The following PLGRKT variants were observed in gnomAD, a reference collection of about 807,000 sequenced individuals.
PLGRKT encodes plasminogen receptor with a C-terminal lysine.
A neutral mutation model predicts 18.5 loss-of-function variants in PLGRKT; 22 were observed. That is an observed-to-expected ratio of 1.19 (90% confidence interval 0.85 to 1.70). The LOEUF (loss-of-function observed/expected upper bound fraction) is 1.70. PLGRKT is among the 40% of genes most tolerant of loss of function. The pLI is 0.00. For missense variants in PLGRKT, 235 were observed against 174.4 expected (o/e 1.35, Z -1.96); for synonymous variants, 72 against 52.8 (o/e 1.36, Z -1.58).
Position 5,393,236 on chromosome 9 carries a change from T to A in PLGRKT, c.82-31348A>T, listed in dbSNP as rs115126349. Among the ~76,000 whole-genome samples, 640 of 152,066 alleles carry A rather than the reference T, an allele frequency of 4.2e-3. 16 individuals carry two copies. Among genetic ancestry groups the A allele is most frequent in the African/African-American group, 0.015 (621 of 41,328 alleles). On this transcript the variant is annotated intron_variant, in intron 3 of 5. Coordinates refer to ENST00000223864, the MANE Select transcript of PLGRKT (RefSeq NM_018465.4). Reference sequence around the variant, plus strand: ...TCTCCCTCAGTGAGTGAAGTCAGGATAAACATCCTTTTTTGTTCCTCCTAC... The same window carrying A: ...TCTCCCTCAGTGAGTGAAGTCAGGAAAAACATCCTTTTTTGTTCCTCCTAC...
At chr9:5,383,738 A>G (rs1027997178) in intron 3 of PLGRKT, among the ~76,000 whole-genome samples, 7 of 152,174 alleles carry the variant, frequency 4.6e-5, no homozygotes, top group Non-Finnish European at 1.0e-4. Flanking sequence ...AGAATCTAAT[A>G]CTGCCCTTGA....
At chr9:5,374,351 C>G (rs2131081273) in intron 3 of PLGRKT, among the ~76,000 whole-genome samples, 1 of 152,276 alleles carries the variant, frequency 6.6e-6, no homozygotes, top group Non-Finnish European at 1.5e-5. Flanking sequence ...TGCCAGATTC[C>G]TCTCTCAAAA....
intron 3 of PLGRKT, chr9:5,381,796 T>C (rs746228463): frequency 1.2e-4 from 94 of 771,534 alleles, no homozygotes; most frequent in Non-Finnish European, 1.4e-4. Flanking sequence ...TCTAGAAACA[T>C]GGCCAACAAT....
At chr9:5,437,150 T>C (rs1005068924) in intron 1 of PLGRKT, among the ~76,000 whole-genome samples, 3 of 152,136 alleles carry the variant, frequency 2.0e-5, no homozygotes, top group Non-Finnish European at 4.4e-5. Flanking sequence ...TAGATTACTA[T>C]GGGAAGGTGT....
chr9:5,394,288 G>C (rs759959625), intron 3 of PLGRKT, among the ~76,000 whole-genome samples: 8 of 151,858 alleles, frequency 5.3e-5, no homozygotes, highest in African/African-American at 1.5e-4. Context: ...ATATTTACTA[G>C]TTTCTAACAT....
At chr9:5,416,836 G>C (rs1031867925) in intron 3 of PLGRKT, among the ~76,000 whole-genome samples, 2 of 152,202 alleles carry the variant, frequency 1.3e-5, no homozygotes, top group East Asian at 1.9e-4. Context: ...TACCTTTGTA[G>C]AAAAGTGCCT....
At chr9:5,362,604 T>C (rs1817292128) in intron 3 of PLGRKT, among the ~76,000 whole-genome samples, 1 of 152,222 alleles carries the variant, frequency 6.6e-6, no homozygotes, top group South Asian at 2.1e-4. Flanking sequence ...TTGTTGTTGA[T>C]GTTTTAATTC....
intron 3 of PLGRKT, among the ~76,000 whole-genome samples, chr9:5,371,776 G>C (rs906445516): frequency 6.6e-6 from 1 of 151,884 alleles, no homozygotes; most frequent in Non-Finnish European, 1.5e-5. Flanking sequence ...AAAACAATAA[G>C]GGTGTTTTCA....
intron 3 of PLGRKT, among the ~76,000 whole-genome samples, chr9:5,390,751 TAA>T (rs944710903): frequency 6.6e-6 from 1 of 151,858 alleles, no homozygotes; most frequent in Non-Finnish European, 1.5e-5. Flanking sequence ...ATAATATAGG[TAA>T]AAAGGCAAAC....
intron 3 of PLGRKT, among the ~76,000 whole-genome samples, chr9:5,390,131 G>A (rs754845388): frequency 6.6e-6 from 1 of 151,644 alleles, no homozygotes; most frequent in Non-Finnish European, 1.5e-5. Flanking sequence ...GCTTCAGGAT[G>A]GGAGGGTATT....
chr9:5,389,135 C>T (rs376840773), intron 3 of PLGRKT, among the ~76,000 whole-genome samples: 3 of 151,930 alleles, frequency 2.0e-5, no homozygotes. Flanking sequence ...GGATTGGATG[C>T]TGTCAGGAAG....
In PLGRKT at chr9:5,387,928, T is replaced by G. The variant is rs530000217; in HGVS notation, c.82-26040A>C. Among the ~76,000 whole-genome samples, 10 of 151,706 alleles carry G rather than the reference T, an allele frequency of 6.6e-5. 1 individual carries two copies. In the South Asian group the frequency reaches 8.3e-4, roughly 13 times the overall value. ...CACCAGTGAAAATGGTGAGAAGTGG[T>G]TGGATTCTAGATATATTTGGAATTG... is the stretch of plus-strand genomic sequence containing the variant. On this transcript the variant is annotated intron_variant, in intron 3 of 5. Transcript: ENST00000223864.
chr9:5,404,501 G>A (rs909829981), intron 3 of PLGRKT, among the ~76,000 whole-genome samples: 8 of 152,148 alleles, frequency 5.3e-5, no homozygotes, highest in African/African-American at 1.4e-4. Context: ...GTGATTCATC[G>A]CATAAACAGA....
At chr9:5,377,825 A>C (rs919417691) in intron 3 of PLGRKT, among the ~76,000 whole-genome samples, 3 of 152,182 alleles carry the variant, frequency 2.0e-5, no homozygotes, top group Non-Finnish European at 4.4e-5. Flanking sequence ...TCTTGGGGGA[A>C]GCTTTTATTC....
chr9:5,437,698 G>A (rs1818988090), intron 1 of PLGRKT, 91 bp downstream of exon 1: 1 of 152,336 alleles, frequency 6.6e-6, no homozygotes, highest in South Asian at 2.1e-4. Flanking sequence ...GCCCAGCGCT[G>A]CCTGGCAAGC....
chr9:5,390,938 G>C (rs1456881282), intron 3 of PLGRKT, among the ~76,000 whole-genome samples: 1 of 151,808 alleles, frequency 6.6e-6, no homozygotes. Context: ...ATTATAATAA[G>C]GGGGACATTA....
intron 3 of PLGRKT, among the ~76,000 whole-genome samples, chr9:5,368,813 A>G (rs950609954): frequency 7.2e-5 from 11 of 152,158 alleles, no homozygotes; most frequent in African/African-American, 2.4e-4. Context: ...CACATCTACA[A>G]CCATCTGATC....
At chr9:5,377,908 A>AG (rs1817662234) in intron 3 of PLGRKT, among the ~76,000 whole-genome samples, 1 of 152,208 alleles carries the variant, frequency 6.6e-6, no homozygotes, top group Non-Finnish European at 1.5e-5. Flanking sequence ...CAAGAAAGAA[A>AG]GAAAAAATAG....
intron 3 of PLGRKT, among the ~76,000 whole-genome samples, chr9:5,393,602 AT>A (rs763635272): frequency 6.6e-6 from 1 of 151,278 alleles, no homozygotes; most frequent in Admixed American, 6.6e-5. Context: ...TAACAATCTT[AT>A]TTTTTTTCTT....
Sources: gnomAD v4.1 joint callset for allele counts (sites outside exome capture counted in the v4.1 genomes callset) on GRCh38, gnomAD v4.1.1 for gene constraint, MANE v1.5 for transcripts, NCBI Gene and HGNC (gene_info 2026-07-23, HGNC 2026-07-21) for gene names.